RAPGEF4: variants seen among roughly 807,000 people sequenced by gnomAD.
The protein encoded by RAPGEF4 is RAP guanine-nucleotide-exchange factor (GEF) 4.
RAPGEF4 carries 66 observed loss-of-function variants against 147.9 expected under a neutral mutation model. The observed-to-expected ratio is 0.45, with a 90% confidence interval of 0.37 to 0.55. The LOEUF (loss-of-function observed/expected upper bound fraction) is 0.55, where lower values mean the gene tolerates loss of function less well. Among genes scored for constraint, RAPGEF4 ranks in the 20% least tolerant of loss-of-function variants. RAPGEF4 has a pLI of 0.00. For synonymous variants in RAPGEF4, 419 were observed against 442.7 expected (o/e 0.95, Z 0.67); for missense variants, 1,071 against 1,257.3 (o/e 0.85, Z 2.24).
chr2:172,762,183 G>A (rs1210373741), intron 1 of RAPGEF4, among the ~76,000 whole-genome samples: 1 of 152,116 alleles, frequency 6.6e-6, no homozygotes, highest in East Asian at 1.9e-4. Flanking sequence ...TATTTTAAAA[G>A]CCCCTCAATA....
chr2:173,045,956 A>G (rs1166099583), intron 29 of RAPGEF4, among the ~76,000 whole-genome samples: 1 of 152,222 alleles, frequency 6.6e-6, no homozygotes, highest in Non-Finnish European at 1.5e-5. Context: ...TAATGGGTGC[A>G]AAAGGAGGTG....
intron 1 of RAPGEF4, among the ~76,000 whole-genome samples, chr2:172,751,000 C>G (rs1414538751): frequency 6.6e-6 from 1 of 152,102 alleles, no homozygotes; most frequent in Non-Finnish European, 1.5e-5. Flanking sequence ...GGACCTGTTA[C>G]AGCAAAAGCT....
chr2:172,822,549 G>C (rs1689183755), intron 4 of RAPGEF4, among the ~76,000 whole-genome samples: 1 of 152,226 alleles, frequency 6.6e-6, no homozygotes, highest in African/African-American at 2.4e-5. Flanking sequence ...TCAGGGGTCT[G>C]AGCAGATCAA....
chr2:172,998,451 T>C (rs718902), intron 16 of RAPGEF4, among the ~76,000 whole-genome samples: 100,701 of 152,078 alleles, frequency 0.66, 33,544 homozygotes, highest in East Asian at 0.89. Context: ...CAGTGGCTCA[T>C]GCCTGTAATC....
intron 4 of RAPGEF4, among the ~76,000 whole-genome samples, chr2:172,908,112 C>G (rs1160427271): frequency 6.6e-6 from 1 of 152,214 alleles, no homozygotes; most frequent in Non-Finnish European, 1.5e-5. Flanking sequence ...CAGAGGAAAT[C>G]AATACATAAT....
chr2:172,788,615 G>C (rs1193530888), intron 1 of RAPGEF4, among the ~76,000 whole-genome samples: 1 of 152,108 alleles, frequency 6.6e-6, no homozygotes, highest in Non-Finnish European at 1.5e-5. Context: ...GGCCAAGCGT[G>C]GTGGCTCACA....
intron 1 of RAPGEF4, among the ~76,000 whole-genome samples, chr2:172,771,711 C>T (rs1161249464): frequency 6.6e-6 from 1 of 151,996 alleles, no homozygotes; most frequent in East Asian, 1.9e-4. Flanking sequence ...TCCTGAGTAG[C>T]TAGTATTACA....
intron 11 of RAPGEF4, among the ~76,000 whole-genome samples, 194 bp from the exon 12 acceptor site, chr2:172,985,239 A>T (rs1692122007): frequency 6.6e-6 from 1 of 152,210 alleles, no homozygotes; most frequent in African/African-American, 2.4e-5. Flanking sequence ...CTATAAAAAG[A>T]GCTACAAGCT....
At chr2:172,926,851 T>G (rs1384765670) in intron 6 of RAPGEF4, among the ~76,000 whole-genome samples, 2 of 152,240 alleles carry the variant, frequency 1.3e-5, no homozygotes, top group Non-Finnish European at 2.9e-5. Flanking sequence ...ATTACAAGTG[T>G]GAGCTACCGC....
At chr2:172,932,433 A>T (rs1575288584) in intron 6 of RAPGEF4, among the ~76,000 whole-genome samples, 1 of 152,358 alleles carries the variant, frequency 6.6e-6, no homozygotes, top group African/African-American at 2.4e-5. Context: ...TTTTTATGGA[A>T]TGCATACAGT....
At chr2:172,905,714 A>G (rs1210797857) in intron 4 of RAPGEF4, among the ~76,000 whole-genome samples, 3 of 152,248 alleles carry the variant, frequency 2.0e-5, no homozygotes, top group Non-Finnish European at 4.4e-5. Context: ...TGCTCTCAGC[A>G]GGTTGGCCAT....
At chr2:172,847,088 T>G (rs1692281045) in intron 4 of RAPGEF4, among the ~76,000 whole-genome samples, 1 of 152,146 alleles carries the variant, frequency 6.6e-6, no homozygotes, top group Admixed American at 6.5e-5. Context: ...ATATAAGAAT[T>G]GGGGACATAC....
chr2:172,990,688 C>T (rs1276940096), intron 14 of RAPGEF4, 122 bp from the exon 15 acceptor site: 3 of 692,070 alleles, frequency 4.3e-6, no homozygotes, highest in Non-Finnish European at 5.0e-6. Context: ...TTGAAAATGA[C>T]TTAATTTGTA....
rs117762444 is a variant in RAPGEF4 at position 172,750,262 on chromosome 2, C to T, written c.65+14214C>T. On this transcript the variant is annotated intron_variant, in intron 1 of 30. Transcript: ENST00000397081. ...TTTATGCTGCTGATAAAGACATATC[C>T]GAGACTGGTTAATTTATAAAGAAAA... Among the ~76,000 whole-genome samples the T allele has an allele frequency of 3.0e-3, 459 of 151,966 alleles. 7 individuals are homozygous for T. The highest frequency in any genetic ancestry group is 0.027 in the East Asian group (140 of 5,178).
At chr2:172,738,093 GTTTA>G (rs574307659) in intron 1 of RAPGEF4, among the ~76,000 whole-genome samples, 2 of 152,100 alleles carry the variant, frequency 1.3e-5, no homozygotes, top group Non-Finnish European at 2.9e-5. Context: ...TACTTAGATT[GTTTA>G]TTTATTTATT....
At chr2:172,791,269 T>A (rs1158189779) in intron 1 of RAPGEF4, among the ~76,000 whole-genome samples, 1 of 152,196 alleles carries the variant, frequency 6.6e-6, no homozygotes, top group Non-Finnish European at 1.5e-5. Flanking sequence ...AGGGTGAGTC[T>A]ACTCCATGCA....
intron 4 of RAPGEF4, among the ~76,000 whole-genome samples, chr2:172,834,545 A>G (rs1409973834): frequency 6.6e-6 from 1 of 152,236 alleles, no homozygotes; most frequent in Non-Finnish European, 1.5e-5. Context: ...CTCTCTCAAC[A>G]AGAAATAATC....
chr2:172,930,980 G>T (rs1287239681), intron 6 of RAPGEF4, among the ~76,000 whole-genome samples: 1 of 152,042 alleles, frequency 6.6e-6, no homozygotes, highest in Non-Finnish European at 1.5e-5. Flanking sequence ...TAGTATGACG[G>T]GGTTCAATAC....
chr2:172,885,472 G>A (rs920090156), intron 4 of RAPGEF4, among the ~76,000 whole-genome samples: 1 of 152,184 alleles, frequency 6.6e-6, no homozygotes. Flanking sequence ...TGCTGATAAA[G>A]ACATACCTGA....
Sources: gnomAD v4.1 joint callset for allele counts (sites outside exome capture counted in the v4.1 genomes callset) on GRCh38, gnomAD v4.1.1 for gene constraint, MANE v1.5 for transcripts, NCBI Gene and HGNC (gene_info 2026-07-23, HGNC 2026-07-21) for gene names.